Variants in ZNF233 observed in about 807,000 individuals in gnomAD.
The protein encoded by ZNF233 is zinc finger protein 233.
ZNF233 carries 7 observed loss-of-function variants against 11.6 expected under a neutral mutation model. The ratio of observed to expected loss-of-function variants is 0.60; its 90% CI spans 0.34 to 1.13. The LOEUF (loss-of-function observed/expected upper bound fraction) is 1.13. Among genes scored for constraint, ZNF233 ranks in the 50% most tolerant of loss-of-function variants. The pLI is 0.03. For missense variants in ZNF233, 711 were observed against 785.5 expected (o/e 0.91, Z 1.13); for synonymous variants, 226 against 268.5 (o/e 0.84, Z 1.55).
chr19:44,265,051 T>C (rs979339415), intron 2 of ZNF233, among the ~76,000 whole-genome samples: 5 of 152,114 alleles, frequency 3.3e-5, no homozygotes, highest in Non-Finnish European at 7.4e-5. Flanking sequence ...GAACAAGATA[T>C]AGAACATTTA....
At chr19:44,270,806 A>G (rs1975218134) in intron 4 of ZNF233, among the ~76,000 whole-genome samples, 1 of 152,192 alleles carries the variant, frequency 6.6e-6, no homozygotes, top group Non-Finnish European at 1.5e-5. Context: ...AAAACATGGC[A>G]GCTAGTTTCT....
chr19:44,273,391 T>A lies in ZNF233; in HGVS notation c.731T>A (p.Val244Glu). 1 of 1,614,176 alleles carries A rather than the reference T, an allele frequency of 6.2e-7. No individual in the cohort carries two copies. The highest frequency in any genetic ancestry group is 8.5e-7 in the Non-Finnish European group (1 of 1,180,036). The change falls in exon 5 of 5, where the codon GTG (valine) becomes GAG (glutamate). Residue 244 changes from valine (V) to glutamate (E), a missense_variant. Transcript: ENST00000683810. ...FSHNNCGKDC[V>E]KESSQHSIIQ... ...CACAATAATTGTGGAAAAGACTGTG[T>A]GAAGGAATCATCCCAGCATAGCATA...
intron 1 of ZNF233, among the ~76,000 whole-genome samples, chr19:44,262,915 A>G (rs1204139501): frequency 6.6e-6 from 1 of 152,124 alleles, no homozygotes; most frequent in African/African-American, 2.4e-5. Context: ...CTAAGACATG[A>G]TTCCTTCCAT....
At chr19:44,269,718 T>C (rs552647135) in intron 4 of ZNF233, among the ~76,000 whole-genome samples, 1 of 152,330 alleles carries the variant, frequency 6.6e-6, no homozygotes, top group Non-Finnish European at 1.5e-5. Context: ...GTTTTACAGC[T>C]CTTTTTTATT....
Position 44,265,366 on chromosome 19 carries a change from TACACACACACAC to T in ZNF233, c.16-799_16-788del, listed in dbSNP as rs67044027. On this transcript the variant is annotated intron_variant, in intron 2 of 4. Transcript: ENST00000683810. Reference sequence around the variant, plus strand: ...TGAGTAGTATTCCATCATATATATATACACACACACACACACACACACACACACACACACACA... The same window carrying T: ...TGAGTAGTATTCCATCATATATATATACACACACACACACACACACACACA... 3.7e-3 allele frequency among the ~76,000 whole-genome samples: 492 copies of T among 133,190 alleles called. 1 individual carries two copies. In the Middle Eastern group the frequency reaches 0.045, roughly 12 times the overall value. 87.4% of individuals were successfully genotyped at this position (133,190 alleles called of 152,430 possible).
chr19:44,264,690 A>G (rs187523062), intron 2 of ZNF233, among the ~76,000 whole-genome samples: 4 of 152,338 alleles, frequency 2.6e-5, no homozygotes, highest in African/African-American at 9.6e-5. Flanking sequence ...ATGTATTTAC[A>G]TATTGTATGT....
intron 4 of ZNF233, among the ~76,000 whole-genome samples, chr19:44,268,734 A>G (rs1975160775): frequency 6.6e-6 from 1 of 152,074 alleles, no homozygotes; most frequent in Admixed American, 6.6e-5. Context: ...TCATCCATAC[A>G]CCCAGTGACA....
At chr19:44,272,820 C>T (rs1975272849) in intron 4 of ZNF233, 79 bp from the exon 5 acceptor site, 1 of 1,014,978 alleles carries the variant, frequency 9.9e-7, no homozygotes, top group Non-Finnish European at 1.4e-6. Flanking sequence ...ATGTGGTCAA[C>T]CTGTGAAATG....
rs778686468 is a variant in ZNF233, at chr19:44,266,923, G to A, written c.200G>A (p.Arg67Gln). Reference protein sequence around the residue: ...ILQLGKEDKLRMMETEIQGDG... With the variant: ...ILQLGKEDKLQMMETEIQGDG... ...CAGTTGGGAAAAGAAGACAAGCTTC[G>A]GATGATGGAGACAGAAATCCAAGGA... is the stretch of plus-strand genomic sequence containing the variant. Residue 67 changes from arginine to glutamine, a missense_variant, in exon 4 of 5, where the codon CGG becomes CAG. By Grantham distance (43) the Arg-to-Gln change is conservative (BLOSUM62 1). Transcript: ENST00000683810. The A allele has an allele frequency of 2.0e-5, 33 of 1,613,876 alleles. No homozygotes were observed. The highest frequency in any genetic ancestry group is 1.6e-4 in the Middle Eastern group (1 of 6,084).
chr19:44,270,843 G>A (rs1975218982), intron 4 of ZNF233, among the ~76,000 whole-genome samples: 1 of 152,142 alleles, frequency 6.6e-6, no homozygotes, highest in African/African-American at 2.4e-5. Context: ...CAGGAGAGTG[G>A]AAGATAGAAG....
At chr19:44,267,703 G>A in intron 4 of ZNF233, 1 of 303,858 alleles carries the variant, frequency 3.3e-6, no homozygotes. Context: ...CTTTCTACCT[G>A]AAGCCTTTTG....
rs760181915 is a variant in ZNF233 at position 44,273,183 on chromosome 19, C to T, written c.523C>T (p.Pro175Ser). The T allele has an allele frequency of 3.1e-6, 5 of 1,613,614 alleles. No homozygotes were observed. Among genetic ancestry groups the T allele is most frequent in the Non-Finnish European group, 4.2e-6 (5 of 1,180,028 alleles). ...AAATAGCATAAAAAATCAAGAGCTT[C>T]CATTGAGGACCACCTGGGATTTCTG... The part of the protein sequence containing the change: ...SSNSIKNQEL[P>S]LRTTWDFWRK... Residue 175 changes from proline to serine, a missense_variant, in exon 5 of 5, where the codon CCA (proline) becomes TCA (serine). Coordinates refer to ENST00000683810, the MANE Select transcript of ZNF233 (RefSeq NM_001207005.2).
intron 4 of ZNF233, chr19:44,267,540 A>G (rs1975124895): frequency 2.6e-6 from 1 of 378,330 alleles, no homozygotes; most frequent in Non-Finnish European, 4.6e-6. Flanking sequence ...AACTATGTAT[A>G]TATACATGTT....
chr19:44,262,370 C>T (rs1488725292), intron 1 of ZNF233, among the ~76,000 whole-genome samples: 3 of 152,314 alleles, frequency 2.0e-5, no homozygotes, highest in Admixed American at 2.0e-4. Context: ...GAGGACTTGA[C>T]AACCTAGGAA....
In ZNF233 at chr19:44,264,333, T is replaced by G. The variant is rs764891657; in HGVS notation, c.-28T>G. 11 of 1,613,092 alleles carry G rather than the reference T, an allele frequency of 6.8e-6. No individual in the cohort carries two copies. In the Admixed American group the frequency reaches 1.8e-4, roughly 27 times the overall value. On this transcript the variant is annotated 5_prime_UTR_variant, in exon 2 of 5. Transcript: ENST00000683810. ...TCCCAGTTCTGCCTTCCCAGGACCC[T>G]GCCCTTCCCCAGAAGGAGCAGGAGA...
intron 4 of ZNF233, chr19:44,267,262 C>T (rs1975115793): frequency 2.5e-6 from 1 of 406,088 alleles, no homozygotes; most frequent in African/African-American, 2.0e-5. Context: ...CACCCACTCC[C>T]TGTGAATTGA....
intron 2 of ZNF233, among the ~76,000 whole-genome samples, chr19:44,265,671 C>A (rs1485502931): frequency 6.6e-6 from 1 of 152,132 alleles, no homozygotes; most frequent in Non-Finnish European, 1.5e-5. Flanking sequence ...TCACCCACCT[C>A]GGCCTCCCAA....
At position 44,264,719 on chromosome 19, in the gene ZNF233, A is replaced by G. The variant is rs1174628408; in HGVS notation, c.15+344A>G. On this transcript the variant is annotated intron_variant, in intron 2 of 4. Transcript: ENST00000683810. ...TGTATGTCTTATATCTATACTTGTC[A>G]GTGTATTTTAAAGAACTACAATCAC... is the stretch of plus-strand genomic sequence containing the variant. Among the ~76,000 whole-genome samples the G allele has an allele frequency of 2.6e-5, 4 of 152,268 alleles. No homozygotes were observed. In the East Asian group the frequency reaches 7.7e-4, roughly 29 times the overall value.
At chr19:44,268,673 T>G (rs1213070223) in intron 4 of ZNF233, among the ~76,000 whole-genome samples, 1 of 152,230 alleles carries the variant, frequency 6.6e-6, no homozygotes, top group Admixed American at 6.5e-5. Context: ...AATGGCTCCC[T>G]CACAGATCTC....
Sources: allele counts gnomAD v4.1 joint callset (sites outside exome capture counted in the v4.1 genomes callset), GRCh38; gene constraint gnomAD v4.1.1; transcripts MANE v1.5; gene names NCBI Gene and HGNC (gene_info 2026-07-23, HGNC 2026-07-21).